FGD6: variants seen among roughly 807,000 people sequenced by gnomAD.
FGD6 encodes FYVE, RhoGEF and PH domain containing 6.
Under a neutral mutation model 149.4 loss-of-function variants are expected in FGD6, and 90 were observed. The ratio of observed to expected loss-of-function variants is 0.60; its 90% CI spans 0.51 to 0.72. The LOEUF (loss-of-function observed/expected upper bound fraction) is 0.72. Ranked by LOEUF, FGD6 falls within the 30% of genes least tolerant of loss-of-function variation. The pLI is 0.00. For missense variants in FGD6, 1,437 were observed against 1,684.8 expected, an observed-to-expected ratio of 0.85 and a Z score of 2.57; for synonymous variants, 527 against 584.0, an observed-to-expected ratio of 0.90 and a Z score of 1.41.
chr12:95,200,165 TATAA>T (rs1881834304), intron 2 of FGD6, among the ~76,000 whole-genome samples: 1 of 149,484 alleles, frequency 6.7e-6, no homozygotes, highest in Non-Finnish European at 1.5e-5. Flanking sequence ...TGTCAACTGT[TATAA>T]ATGTTATCAA....
intron 2 of FGD6, among the ~76,000 whole-genome samples, chr12:95,200,543 G>A (rs1195226270): frequency 6.6e-6 from 1 of 152,114 alleles, no homozygotes; most frequent in African/African-American, 2.4e-5. Context: ...GGGTAACACA[G>A]CAACCTTACT....
intron 9 of FGD6, among the ~76,000 whole-genome samples, chr12:95,112,389 C>G (rs958746550): frequency 6.6e-6 from 1 of 152,104 alleles, no homozygotes; most frequent in African/African-American, 2.4e-5. Flanking sequence ...CACTTGAGGT[C>G]AGGAGTTCGA....
At chr12:95,110,282 C>A (rs1252790141) in intron 9 of FGD6, among the ~76,000 whole-genome samples, 1 of 151,302 alleles carries the variant, frequency 6.6e-6, no homozygotes, top group East Asian at 2.0e-4. Flanking sequence ...GGCCTGTATT[C>A]TTTCCACATG....
chr12:95,152,911 A>C lies in FGD6; in HGVS notation c.2654+15T>G. The C allele has an allele frequency of 6.2e-7, 1 of 1,613,878 alleles. No individual in the cohort carries two copies. Among genetic ancestry groups the C allele is most frequent in the Non-Finnish European group, 8.5e-7 (1 of 1,179,794 alleles). Reference sequence around the variant, plus strand: ...GGGGGAAAACAGTCTTCTGAATTGTAAACTAGATACCTACACTTTCTCTGA... The same window carrying C: ...GGGGGAAAACAGTCTTCTGAATTGTCAACTAGATACCTACACTTTCTCTGA... On this transcript the variant is annotated intron_variant, in intron 4 of 20. Transcript: ENST00000343958.
At chr12:95,100,672 G>A in intron 14 of FGD6, 1 of 538,612 alleles carries the variant, frequency 1.9e-6, no homozygotes, top group East Asian at 5.2e-5. Context: ...TGCAAAGCTG[G>A]CACCAGAATT....
chr12:95,204,190 T>C (rs1019858581), intron 2 of FGD6, among the ~76,000 whole-genome samples: 2 of 152,200 alleles, frequency 1.3e-5, no homozygotes, highest in African/African-American at 4.8e-5. Flanking sequence ...GACTAAATGA[T>C]GACCTATCTG....
intron 1 of FGD6, among the ~76,000 whole-genome samples, chr12:95,216,019 AAG>A (rs2056762573): frequency 6.6e-6 from 1 of 152,246 alleles, no homozygotes; most frequent in South Asian, 2.1e-4. Flanking sequence ...TGGCAAAGAA[AAG>A]AGAGTTTATA....
chr12:95,157,524 C>T (rs1248232387), intron 3 of FGD6, among the ~76,000 whole-genome samples: 1 of 147,204 alleles, frequency 6.8e-6, no homozygotes, highest in Non-Finnish European at 1.5e-5. Context: ...CATGATCGTG[C>T]CACTGCACTC....
At chr12:95,084,151 A>G (rs1877783769) in intron 20 of FGD6, among the ~76,000 whole-genome samples, 2 of 152,298 alleles carry the variant, frequency 1.3e-5, no homozygotes, top group East Asian at 1.9e-4. Flanking sequence ...GGAATGTTTC[A>G]AGGGAAGATT....
intron 3 of FGD6, among the ~76,000 whole-genome samples, chr12:95,170,636 C>G (rs2136282646): frequency 6.6e-6 from 1 of 152,288 alleles, no homozygotes; most frequent in African/African-American, 2.4e-5. Context: ...GAGCGAAACT[C>G]CTTCTCAAAA....
At chr12:95,185,073 C>A (rs1311357504) in intron 2 of FGD6, among the ~76,000 whole-genome samples, 1 of 152,042 alleles carries the variant, frequency 6.6e-6, no homozygotes, top group Non-Finnish European at 1.5e-5. Flanking sequence ...AGGGTTTCAC[C>A]ATGTTGGCCA....
At chr12:95,193,826 G>T (rs1487721448) in intron 2 of FGD6, among the ~76,000 whole-genome samples, 2 of 152,034 alleles carry the variant, frequency 1.3e-5, no homozygotes, top group Non-Finnish European at 2.9e-5. Context: ...ACCATGCCTG[G>T]CCCATGCTGA....
chr12:95,085,837 C>T lies in FGD6; in HGVS notation c.4050G>A (p.Trp1350Ter). 1.9e-6 allele frequency: 3 copies of T among 1,613,864 alleles called. No homozygotes were observed. Among genetic ancestry groups the T allele is most frequent in the Non-Finnish European group, 2.5e-6 (3 of 1,179,914 alleles). The change falls in exon 19 of 21, where the codon TGG becomes TGA. Residue 1350 changes from tryptophan (W) to a stop codon, truncating the protein, a stop_gained. Transcript: ENST00000343958. LOFTEE classifies it high-confidence loss of function. ...LYRSKGNKKP[W>*]KHFWFVIKNK... Reference sequence around the variant, plus strand: ...TTTTTATGACAAACCAAAAGTGTTTCCAGGGTTTTTTATTGCCCTTTGATC... The same window carrying T: ...TTTTTATGACAAACCAAAAGTGTTTTCAGGGTTTTTTATTGCCCTTTGATC...
intron 14 of FGD6, among the ~76,000 whole-genome samples, chr12:95,096,670 A>T (rs1351579919): frequency 1.3e-5 from 2 of 152,154 alleles, no homozygotes; most frequent in Admixed American, 6.6e-5. Flanking sequence ...CCCAACTACA[A>T]CATCATCACC....
intron 20 of FGD6, among the ~76,000 whole-genome samples, chr12:95,081,952 G>A (rs532563247): frequency 2.9e-4 from 44 of 152,154 alleles, no homozygotes; most frequent in African/African-American, 9.9e-4. Context: ...GATTACAGGC[G>A]TGAGCCACCG....
At position 95,145,277 on chromosome 12, in the gene FGD6, T is replaced by C. The variant is rs563355622; in HGVS notation, c.2686-3738A>G. Among the ~76,000 whole-genome samples, 5 of 152,172 alleles carry C rather than the reference T, an allele frequency of 3.3e-5. 1 individual carries two copies. Among genetic ancestry groups the C allele is most frequent in the African/African-American group, 1.2e-4 (5 of 41,544 alleles). On this transcript the variant is annotated intron_variant, in intron 5 of 20. Coordinates refer to ENST00000343958, the MANE Select transcript of FGD6 (RefSeq NM_018351.4). ...GTGTTGGGATTACAGGCGTGAGCCATTGTGTCCAACCAGAGAATTACATAT... is the reference window on the plus strand; with the variant it reads ...GTGTTGGGATTACAGGCGTGAGCCACTGTGTCCAACCAGAGAATTACATAT...
At chr12:95,169,703 A>G (rs895136498) in intron 3 of FGD6, among the ~76,000 whole-genome samples, 1 of 152,240 alleles carries the variant, frequency 6.6e-6, no homozygotes, top group African/African-American at 2.4e-5. Context: ...AAGAAATGGG[A>G]AAAGATTCAC....
chr12:95,172,511 C>A, intron 3 of FGD6, 89 bp downstream of exon 3: 1 of 1,190,022 alleles, frequency 8.4e-7, no homozygotes, highest in Non-Finnish European at 1.1e-6. Flanking sequence ...TTTAAGAAAA[C>A]TCACAAGGGT....
intron 14 of FGD6, among the ~76,000 whole-genome samples, chr12:95,101,983 T>C (rs2136238529): frequency 6.6e-6 from 1 of 151,862 alleles, no homozygotes; most frequent in South Asian, 2.1e-4. Context: ...GCACCGGCCT[T>C]GTTCTCTGAA....
Sources: allele counts gnomAD v4.1 joint callset (sites outside exome capture counted in the v4.1 genomes callset), GRCh38; gene constraint gnomAD v4.1.1; transcripts MANE v1.5; gene names NCBI Gene and HGNC (gene_info 2026-07-23, HGNC 2026-07-21).